Variants in SLC35D4 observed in about 807,000 individuals in gnomAD.
SLC35D4 encodes the protein UDP-N-acetylglucosamine transporter SLC35D4.
At chr18:23,375,101 C>T in the SLC35D4 span, among the ~76,000 whole-genome samples, 20 of 149,468 alleles carry the variant, frequency 1.3e-4, no homozygotes, top group Non-Finnish European at 2.1e-4. Context: ...GGCAACAAAA[C>T]GAGACTCCAT....
At chr18:23,414,121 G>A in the SLC35D4 span, among the ~76,000 whole-genome samples, 22 of 151,946 alleles carry the variant, frequency 1.4e-4, no homozygotes, top group African/African-American at 5.3e-4. Context: ...CGGGCATGGT[G>A]GCAGGAGCCT....
At chr18:23,437,921 C>CGCAGCAGCAGCAGCGGCAGCGGCAGCA in the SLC35D4 span, 1 of 1,526,436 alleles carries the variant, frequency 6.6e-7, no homozygotes, top group Non-Finnish European at 8.9e-7. Flanking sequence ...GCCCGACCCC[C>CGCAGCAGCAGCAGCGGCAGCGGCAGCA]GCAGCAGCAG....
chr18:23,318,646 T>C, the SLC35D4 span, among the ~76,000 whole-genome samples: 1 of 152,234 alleles, frequency 6.6e-6, no homozygotes, highest in Non-Finnish European at 1.5e-5. Context: ...ATCCAAATTA[T>C]GTACTACTGC....
the SLC35D4 span, among the ~76,000 whole-genome samples, chr18:23,304,725 C>A: frequency 6.6e-6 from 1 of 152,068 alleles, no homozygotes; most frequent in Admixed American, 6.6e-5. Flanking sequence ...AAGATTAGCT[C>A]CCTGCTTCAG....
At chr18:23,371,107 T>C in the SLC35D4 span, among the ~76,000 whole-genome samples, 11 of 151,272 alleles carry the variant, frequency 7.3e-5, no homozygotes, top group East Asian at 5.9e-4. Context: ...CTCTCTTTCT[T>C]TTTTTTTGAC....
the SLC35D4 span, among the ~76,000 whole-genome samples, chr18:23,397,924 G>A: frequency 4.6e-5 from 7 of 152,116 alleles, no homozygotes; most frequent in Admixed American, 1.3e-4. Flanking sequence ...GTATTGGCAA[G>A]TACCTGTATT....
chr18:23,277,067 G>C, the SLC35D4 span, among the ~76,000 whole-genome samples: 70 of 152,318 alleles, frequency 4.6e-4, no homozygotes, highest in Non-Finnish European at 7.1e-4. Context: ...TTGCTGGGCA[G>C]CTCAGCTGGT....
chr18:23,371,945 T>TTTTTTTTTTTTTGTTTTTTTTTTG, the SLC35D4 span, among the ~76,000 whole-genome samples: 2 of 73,346 alleles, frequency 2.7e-5, no homozygotes, highest in Non-Finnish European at 5.2e-5. Context: ...GTTTTTTTTT[T>TTTTTTTTTTTTTGTTTTTTTTTTG]TTTTTTTTGA....
At chr18:23,385,401 G>C in the SLC35D4 span, among the ~76,000 whole-genome samples, 2 of 152,210 alleles carry the variant, frequency 1.3e-5, no homozygotes, top group African/African-American at 4.8e-5. Context: ...AGTGCACCCC[G>C]CCCGGCACAC....
the SLC35D4 span, among the ~76,000 whole-genome samples, chr18:23,333,662 A>G: frequency 1.3e-5 from 2 of 152,232 alleles, no homozygotes. Flanking sequence ...CTCCCACCTG[A>G]AGGAAAAAAT....
the SLC35D4 span, among the ~76,000 whole-genome samples, chr18:23,416,897 A>C: frequency 2.6e-5 from 4 of 152,326 alleles, no homozygotes; most frequent in African/African-American, 9.6e-5. Context: ...GCAGGGAAGC[A>C]ATCTTGAGAA....
chr18:23,357,175 G>T, the SLC35D4 span, among the ~76,000 whole-genome samples: 1 of 152,060 alleles, frequency 6.6e-6, no homozygotes, highest in Non-Finnish European at 1.5e-5. Flanking sequence ...CTAAAAAAAG[G>T]TCATGAATGT....
chr18:23,352,437 G>A, the SLC35D4 span: 1 of 536,778 alleles, frequency 1.9e-6, no homozygotes, highest in East Asian at 3.5e-5. Flanking sequence ...ATCTCTGGAT[G>A]AAAATAAAAA....
At chr18:23,247,500 G>A in the SLC35D4 span, among the ~76,000 whole-genome samples, 1 of 152,250 alleles carries the variant, frequency 6.6e-6, no homozygotes, top group African/African-American at 2.4e-5. Flanking sequence ...CTGGTCCGCT[G>A]TGGCAGTTGT....
At chr18:23,415,356 T>C in the SLC35D4 span, among the ~76,000 whole-genome samples, 1 of 152,240 alleles carries the variant, frequency 6.6e-6, no homozygotes, top group Non-Finnish European at 1.5e-5. Context: ...ATTTCTCATC[T>C]TTGAAAGCTT....
chr18:23,249,243 G>C, the SLC35D4 span, among the ~76,000 whole-genome samples: 2 of 152,234 alleles, frequency 1.3e-5, no homozygotes, highest in South Asian at 4.1e-4. Context: ...TCAGGGAAGT[G>C]TAACTGTTAG....
the SLC35D4 span, chr18:23,254,042 TAGTC>T: frequency 1.1e-6 from 1 of 901,126 alleles, no homozygotes; most frequent in Non-Finnish European, 1.8e-6. Context: ...TTCTGATCCT[TAGTC>T]AGCAATTGAG....
chr18:23,379,134 T>C, the SLC35D4 span, among the ~76,000 whole-genome samples: 1 of 151,764 alleles, frequency 6.6e-6, no homozygotes, highest in Non-Finnish European at 1.5e-5. Context: ...TCTTTTTTTT[T>C]TTTTTTTGAG....
chr18:23,373,862 G>T, the SLC35D4 span: 1 of 1,345,618 alleles, frequency 7.4e-7, no homozygotes. Flanking sequence ...AGTTGGATGA[G>T]GCAAAGATCC....
Sources: allele counts gnomAD v4.1 joint callset (sites outside exome capture counted in the v4.1 genomes callset), GRCh38; gene constraint gnomAD v4.1.1; transcripts MANE v1.5; gene names NCBI Gene and HGNC (gene_info 2026-07-23, HGNC 2026-07-21).